LAMA1: variants seen among roughly 807,000 people sequenced by gnomAD.
LAMA1 encodes laminin subunit alpha 1.
Under a neutral mutation model 348.7 loss-of-function variants are expected in LAMA1, and 219 were observed. That is an observed-to-expected ratio of 0.63 (90% CI 0.56 to 0.70). The LOEUF (loss-of-function observed/expected upper bound fraction) is 0.70, where lower values mean the gene tolerates loss of function less well. Ranked by LOEUF, LAMA1 falls within the 30% of genes least tolerant of loss-of-function variation. The pLI is 0.00. For synonymous variants in LAMA1, 1,487 were observed against 1,491.0 expected (o/e 1.00, Z 0.06); for missense variants, 3,744 against 3,888.0 (o/e 0.96, Z 0.99).
At chr18:7,012,186 T>C in intron 23 of LAMA1, 48 bp from the exon 24 acceptor site, 2 of 1,591,132 alleles carry the variant, frequency 1.3e-6, no homozygotes, top group East Asian at 2.2e-5. Context: ...AAAAGAGATG[T>C]GATTTCTGAA....
At chr18:7,115,814 C>CAAAACAAAAAAAAAAAAAAAAAAAAAAA (rs58813825) in intron 1 of LAMA1, among the ~76,000 whole-genome samples, 3 of 94,816 alleles carry the variant, frequency 3.2e-5, no homozygotes, top group Non-Finnish European at 2.1e-5. Flanking sequence ...ACTAAAAATA[C>CAAAACAAAAAAAAAAAAAAAAAAAAAAA]AAAAAAAAAA....
At position 6,966,229 on chromosome 18, in the gene LAMA1, G is replaced by A. The variant is rs375262660; in HGVS notation, c.6968C>T (p.Pro2323Leu). ...SGYSVVEKSL[P>L]ATVTQIIMLF... is the part of the protein sequence containing the mutation. ...CATGATTATCTGGGTCACGGTAGCC[G>A]GAAGTGACTTCTCCACGACAGAGTA... The change falls in exon 49 of 63, where the codon CCG (proline) becomes CTG (leucine). Residue 2323 changes from proline (P) to leucine (L), a missense_variant. Physicochemically the swap from Pro to Leu is moderately conservative, Grantham distance 98. This residue lies in a region of LAMA1 where 1,983 missense variants were observed against 1,934.3 expected (regional missense o/e 1.03). Coordinates refer to ENST00000389658, the MANE Select transcript of LAMA1 (RefSeq NM_005559.4). 3.2e-5 allele frequency: 52 copies of A among 1,613,758 alleles called. No homozygotes were observed. The highest frequency in any genetic ancestry group is 3.3e-4 in the Middle Eastern group (2 of 6,084).
chr18:7,027,978 A>G (rs1831779), intron 16 of LAMA1, among the ~76,000 whole-genome samples: 2 of 151,966 alleles, frequency 1.3e-5, no homozygotes, highest in East Asian at 3.9e-4. Context: ...AAGCATGCTC[A>G]AAGACTTGAA....
At chr18:6,976,379 T>C (rs1310541874) in intron 44 of LAMA1, among the ~76,000 whole-genome samples, 4 of 152,194 alleles carry the variant, frequency 2.6e-5, no homozygotes, top group African/African-American at 9.6e-5. Flanking sequence ...CCTTGGAATC[T>C]TTCCGCCTGA....
At chr18:7,039,470 C>T (rs1279326992) in intron 10 of LAMA1, among the ~76,000 whole-genome samples, 1 of 152,182 alleles carries the variant, frequency 6.6e-6, no homozygotes, top group African/African-American at 2.4e-5. Flanking sequence ...TCCTTTTTAA[C>T]AGACACTCAA....
intron 11 of LAMA1, 111 bp from the exon 12 acceptor site, chr18:7,037,862 A>C (rs972851117): frequency 2.7e-6 from 3 of 1,112,752 alleles, no homozygotes; most frequent in Non-Finnish European, 4.0e-6. Context: ...AAGCTTCTCT[A>C]GGGATGGCAT....
At chr18:7,015,969 C>A in intron 21 of LAMA1, 111 bp from the exon 22 acceptor site, 1 of 1,313,968 alleles carries the variant, frequency 7.6e-7, no homozygotes, top group Non-Finnish European at 1.1e-6. Flanking sequence ...CTTCTCACTC[C>A]TAAAAGACGC....
At chr18:7,014,678 A>G (rs2057878091) in intron 22 of LAMA1, among the ~76,000 whole-genome samples, 1 of 152,062 alleles carries the variant, frequency 6.6e-6, no homozygotes, top group African/African-American at 2.4e-5. Flanking sequence ...TCTTGTTTCC[A>G]AAACACAAAC....
At chr18:6,986,047 C>A (rs763119451) in intron 37 of LAMA1, 90 bp downstream of exon 37, 19 of 1,455,484 alleles carry the variant, frequency 1.3e-5, no homozygotes, top group African/African-American at 2.8e-5. Context: ...CGTGAGCCAC[C>A]CAGCCAGGCC....
At chr18:6,980,422 A>C (rs1399241271) in intron 42 of LAMA1, 99 bp downstream of exon 42, 5 of 844,358 alleles carry the variant, frequency 5.9e-6, no homozygotes, top group Non-Finnish European at 1.0e-5. Flanking sequence ...TTTTGAGCTA[A>C]AGCCTTTATC....
intron 1 of LAMA1, among the ~76,000 whole-genome samples, chr18:7,112,456 G>A (rs1301335639): frequency 6.6e-6 from 1 of 152,038 alleles, no homozygotes; most frequent in Non-Finnish European, 1.5e-5. Flanking sequence ...AAAGTTACCT[G>A]AAGAAACATC....
At chr18:6,991,910 C>A (rs1330290639) in intron 36 of LAMA1, among the ~76,000 whole-genome samples, 1 of 152,122 alleles carries the variant, frequency 6.6e-6, no homozygotes, top group African/African-American at 2.4e-5. Context: ...TAGATAGTAA[C>A]GTCCAGAGTA....
chr18:6,958,421 C>A, intron 55 of LAMA1, 56 bp downstream of exon 55: 1 of 1,557,646 alleles, frequency 6.4e-7, no homozygotes, highest in South Asian at 1.1e-5. Flanking sequence ...TTAGTGTTAG[C>A]ACTCACCATG....
intron 48 of LAMA1, among the ~76,000 whole-genome samples, chr18:6,966,649 A>G (rs2057634637): frequency 6.6e-6 from 1 of 152,036 alleles, no homozygotes; most frequent in Admixed American, 6.6e-5. Context: ...TGCCTTCAGA[A>G]TAATTTTTAT....
chr18:7,090,071 G>A (rs1016862594), intron 1 of LAMA1, among the ~76,000 whole-genome samples: 5 of 152,156 alleles, frequency 3.3e-5, no homozygotes, highest in African/African-American at 1.2e-4. Context: ...CCTACAATAA[G>A]TGCTTCCTTA....
chr18:7,113,689 G>T (rs1006718149), intron 1 of LAMA1, among the ~76,000 whole-genome samples: 1 of 152,102 alleles, frequency 6.6e-6, no homozygotes, highest in African/African-American at 2.4e-5. Context: ...GAGGCTGCTG[G>T]CCTGCTGAGT....
At chr18:6,955,806 G>C in intron 56 of LAMA1, 1 of 390,908 alleles carries the variant, frequency 2.6e-6, no homozygotes, top group African/African-American at 2.1e-5. Flanking sequence ...CCGAGGTTTT[G>C]GGAATGGCCC....
At chr18:6,971,779 G>C (rs1450897248) in intron 48 of LAMA1, 78 bp downstream of exon 48, 1 of 1,587,132 alleles carries the variant, frequency 6.3e-7, no homozygotes, top group Non-Finnish European at 8.6e-7. Flanking sequence ...TGACGTGCAT[G>C]TATTAATACA....
At position 7,049,176 on chromosome 18, in the gene LAMA1, T is replaced by G; in HGVS notation, c.670A>C (p.Ile224Leu). The G allele has an allele frequency of 6.2e-7, 1 of 1,614,174 alleles. No individual in the cohort carries two copies. Among genetic ancestry groups the G allele is most frequent in the Non-Finnish European group, 8.5e-7 (1 of 1,180,014 alleles). ...CTAATGCGTTGCAAGCGAAGGCGAATATATCGTGCAGAAGTGAATTCCAAC... is the reference window on the plus strand; with the variant it reads ...CTAATGCGTTGCAAGCGAAGGCGAAGATATCGTGCAGAAGTGAATTCCAAC... Reference protein sequence around the residue: ...KLLEFTSARYIRLRLQRIRTL... With the variant: ...KLLEFTSARYLRLRLQRIRTL... Residue 224 changes from isoleucine (I) to leucine (L), a missense_variant, in exon 5 of 63, where the codon ATT becomes CTT. By Grantham distance (5) the Ile-to-Leu change is conservative (BLOSUM62 2). Transcript: ENST00000389658.
Sources: gnomAD v4.1 joint callset for allele counts (sites outside exome capture counted in the v4.1 genomes callset) on GRCh38, gnomAD v4.1.1 for gene constraint, gnomAD v4.1.1 regional missense constraint, MANE v1.5 for transcripts, NCBI Gene and HGNC (gene_info 2026-07-23, HGNC 2026-07-21) for gene names.